The following DPF3 variants were observed in gnomAD, a reference collection of about 807,000 sequenced individuals.
The protein encoded by DPF3 is double PHD fingers 3, also known as zinc finger protein DPF3.
In DPF3, 18 loss-of-function variants were observed where a neutral mutation model predicts 56.8. The observed-to-expected ratio is 0.32, with a 90% CI of 0.22 to 0.47. The LOEUF is 0.47. Among genes scored for constraint, DPF3 ranks in the 20% least tolerant of loss-of-function variants. The probability of loss-of-function intolerance (pLI) is 1.00; values close to 1 mark genes in which losing one functional copy is unlikely to be tolerated. For synonymous variants in DPF3, 188 were observed against 180.2 expected, an observed-to-expected ratio of 1.04 and a Z score of -0.35; for missense variants, 403 against 488.8, an observed-to-expected ratio of 0.82 and a Z score of 1.65.
intron 3 of DPF3, among the ~76,000 whole-genome samples, chr14:72,734,789 T>G (rs566361153): frequency 1.3e-5 from 2 of 152,294 alleles, no homozygotes; most frequent in East Asian, 3.9e-4. Flanking sequence ...AAGTTGCCAC[T>G]GAAATCACGA....
intron 1 of DPF3, among the ~76,000 whole-genome samples, chr14:72,820,789 G>T (rs1448074432): frequency 6.6e-6 from 1 of 152,108 alleles, no homozygotes; most frequent in Non-Finnish European, 1.5e-5. Flanking sequence ...GAGGTCAGGA[G>T]TTCGAGACCA....
intron 6 of DPF3, among the ~76,000 whole-genome samples, chr14:72,698,161 A>G (rs531762014): frequency 8.5e-5 from 13 of 152,240 alleles, no homozygotes; most frequent in Non-Finnish European, 1.9e-4. Flanking sequence ...TCACGTGTCA[A>G]TACAGACAGT....
chr14:72,825,961 T>C (rs1883781972), intron 1 of DPF3, among the ~76,000 whole-genome samples: 1 of 151,508 alleles, frequency 6.6e-6, no homozygotes, highest in South Asian at 2.1e-4. Context: ...TACTTGAGAG[T>C]CCAGGAACTG....
At chr14:72,809,113 C>T (rs140559512) in intron 1 of DPF3, among the ~76,000 whole-genome samples, 136 of 152,338 alleles carry the variant, frequency 8.9e-4, no homozygotes, top group African/African-American at 3.1e-3. Flanking sequence ...CATCTTCACA[C>T]GTGTCTACTT....
At chr14:72,746,073 T>C (rs2139886734) in intron 3 of DPF3, among the ~76,000 whole-genome samples, 1 of 152,326 alleles carries the variant, frequency 6.6e-6, no homozygotes, top group Non-Finnish European at 1.5e-5. Context: ...AGAAAGGGCA[T>C]CATACGTTTT....
chr14:72,753,039 G>A (rs1723744224), intron 3 of DPF3, among the ~76,000 whole-genome samples: 1 of 152,178 alleles, frequency 6.6e-6, no homozygotes, highest in African/African-American at 2.4e-5. Flanking sequence ...GGGTGGCAAA[G>A]GGAAGGCATG....
intron 8 of DPF3, among the ~76,000 whole-genome samples, chr14:72,663,166 C>CAAAAAAAAAAAAAAAAAAA (rs56335418): frequency 1.8e-4 from 16 of 88,534 alleles, no homozygotes; most frequent in African/African-American, 6.7e-4. Flanking sequence ...TGGGTGTTAG[C>CAAAAAAAAAAAAAAAAAAA]AAAAAAAAAA....
chr14:72,893,956 G>T (rs889033986), intron 1 of DPF3, 101 bp downstream of exon 1: 2 of 1,397,586 alleles, frequency 1.4e-6, no homozygotes, highest in Non-Finnish European at 2.0e-6. Context: ...GGCTGGAGGC[G>T]CCTGCAAGCG....
chr14:72,861,866 G>T lies in DPF3; in HGVS notation c.32+32191C>A, dbSNP rs529039991. Among the ~76,000 whole-genome samples the T allele has an allele frequency of 1.3e-3, 201 of 152,124 alleles. 2 individuals carry two copies. The highest frequency in any genetic ancestry group is 4.7e-3 in the African/African-American group (197 of 41,498). On this transcript the variant is annotated intron_variant, in intron 1 of 10. Transcript: ENST00000556509. Reference sequence around the variant, plus strand: ...CTTACTTTATCACAATAATGGAAATGGTGTCATAAGGTTTTAATGCATTCA... The same window carrying T: ...CTTACTTTATCACAATAATGGAAATTGTGTCATAAGGTTTTAATGCATTCA...
chr14:72,861,767 GA>G (rs1885434678), intron 1 of DPF3, among the ~76,000 whole-genome samples: 1 of 146,362 alleles, frequency 6.8e-6, no homozygotes, highest in East Asian at 2.0e-4. Context: ...AAGAAAGAAA[GA>G]AAGAAAGAAA....
chr14:72,667,934 A>G (rs1886508078), intron 8 of DPF3, among the ~76,000 whole-genome samples: 1 of 152,222 alleles, frequency 6.6e-6, no homozygotes, highest in South Asian at 2.1e-4. Flanking sequence ...GTTGCCAGGG[A>G]TCAAAACCTG....
chr14:72,874,519 A>G (rs1460340056), intron 1 of DPF3, among the ~76,000 whole-genome samples: 2 of 152,020 alleles, frequency 1.3e-5, no homozygotes, highest in Non-Finnish European at 2.9e-5. Flanking sequence ...ATTCCACCAG[A>G]TAACCTAAAT....
At chr14:72,705,654 G>A (rs987268706) in intron 6 of DPF3, among the ~76,000 whole-genome samples, 1 of 152,022 alleles carries the variant, frequency 6.6e-6, no homozygotes, top group African/African-American at 2.4e-5. Context: ...TGGGTTAGTC[G>A]AGCTGAGCCT....
chr14:72,809,403 AGGG>A (rs1480861035), intron 1 of DPF3, among the ~76,000 whole-genome samples: 19 of 152,320 alleles, frequency 1.2e-4, no homozygotes, highest in Admixed American at 1.2e-3. Context: ...GCACCGGTGA[AGGG>A]CATGGGGGTT....
At chr14:72,808,036 C>T (rs1007359252) in intron 1 of DPF3, among the ~76,000 whole-genome samples, 2 of 152,142 alleles carry the variant, frequency 1.3e-5, no homozygotes, top group Non-Finnish European at 1.5e-5. Flanking sequence ...GAGGGTCACC[C>T]CCAGCCTGAC....
chr14:72,723,546 T>G, intron 5 of DPF3, 87 bp downstream of exon 5: 3 of 1,131,806 alleles, frequency 2.7e-6, no homozygotes, highest in Non-Finnish European at 2.5e-6. Context: ...GGCCATGATT[T>G]CCATCTAGCT....
At chr14:72,793,751 T>C (rs1263949834) in intron 1 of DPF3, among the ~76,000 whole-genome samples, 1 of 152,254 alleles carries the variant, frequency 6.6e-6, no homozygotes, top group African/African-American at 2.4e-5. Context: ...GCATAGATGA[T>C]GCTGGCAAAT....
rs115943961 is a variant in DPF3 at position 72,823,002 on chromosome 14, G to A, written c.33-51109C>T. On this transcript the variant is annotated intron_variant, in intron 1 of 10. Coordinates refer to ENST00000556509, the MANE Select transcript of DPF3 (RefSeq NM_001280542.3). ...CCATCGGACTAGAATCTTCTTTTGA[G>A]AGGCCTTTCCTTTTCTCATCCCTAT... is the stretch of plus-strand genomic sequence containing the variant. Among the ~76,000 whole-genome samples, 1,176 of 152,290 alleles carry A rather than the reference G, an allele frequency of 7.7e-3. 12 individuals are homozygous for A. Among genetic ancestry groups the A allele is most frequent in the African/African-American group, 0.027 (1,120 of 41,530 alleles).
At chr14:72,809,822 G>A (rs1318129080) in intron 1 of DPF3, among the ~76,000 whole-genome samples, 2 of 152,220 alleles carry the variant, frequency 1.3e-5, no homozygotes, top group Non-Finnish European at 1.5e-5. Flanking sequence ...TGAGCGCCCT[G>A]TGGATGAGAG....
Sources: gnomAD v4.1 joint callset for allele counts (sites outside exome capture counted in the v4.1 genomes callset) on GRCh38, gnomAD v4.1.1 for gene constraint, MANE v1.5 for transcripts, NCBI Gene and HGNC (gene_info 2026-07-23, HGNC 2026-07-21) for gene names.